BNC2: variants seen among roughly 807,000 people sequenced by gnomAD.
The protein encoded by BNC2 is zinc finger protein basonuclin-2.
In BNC2, 20 loss-of-function variants were observed where a neutral mutation model predicts 76.3. That is an observed-to-expected ratio of 0.26 (90% CI 0.18 to 0.38). The LOEUF (loss-of-function observed/expected upper bound fraction) is 0.38. BNC2 is among the 10% of genes least tolerant of loss of function. BNC2 has a pLI of 1.00. For missense variants in BNC2, 1,382 were observed against 1,399.8 expected, an observed-to-expected ratio of 0.99 and a Z score of 0.20; for synonymous variants, 582 against 514.8, an observed-to-expected ratio of 1.13 and a Z score of -1.77.
chr9:16,550,215 G>C (rs868638614), intron 5 of BNC2, among the ~76,000 whole-genome samples: 2 of 152,024 alleles, frequency 1.3e-5, no homozygotes, highest in Admixed American at 6.6e-5. Context: ...CTCTGAATGC[G>C]GCCCAACACA....
chr9:16,605,183 G>A (rs1292878727), intron 3 of BNC2, among the ~76,000 whole-genome samples: 1 of 152,190 alleles, frequency 6.6e-6, no homozygotes, highest in Non-Finnish European at 1.5e-5. Context: ...AATTAGTAGA[G>A]AATGAAAAGA....
chr9:16,521,864 C>G (rs539707365), intron 5 of BNC2, among the ~76,000 whole-genome samples: 1 of 152,134 alleles, frequency 6.6e-6, no homozygotes, highest in Non-Finnish European at 1.5e-5. Context: ...TTTAAATACT[C>G]ATATTTTTGT....
At chr9:16,864,923 G>C (rs1283465806) in intron 1 of BNC2, among the ~76,000 whole-genome samples, 1 of 151,408 alleles carries the variant, frequency 6.6e-6, no homozygotes, top group Admixed American at 6.6e-5. Context: ...ACACTGAGCA[G>C]AGATCCTTGG....
intron 3 of BNC2, among the ~76,000 whole-genome samples, chr9:16,678,212 T>C (rs1822709634): frequency 6.6e-6 from 1 of 151,382 alleles, no homozygotes; most frequent in South Asian, 2.1e-4. Context: ...AAACAACTCT[T>C]GTCCAAATTT....
At chr9:16,867,382 G>C (rs930056544) in intron 1 of BNC2, 8 of 151,778 alleles carry the variant, frequency 5.3e-5, no homozygotes, top group African/African-American at 1.9e-4. Flanking sequence ...TTGGATATTT[G>C]GGGATCGTAG....
At chr9:16,567,744 GA>G (rs2132784034) in intron 4 of BNC2, among the ~76,000 whole-genome samples, 1 of 152,234 alleles carries the variant, frequency 6.6e-6, no homozygotes, top group Non-Finnish European at 1.5e-5. Flanking sequence ...AAATTCAAGT[GA>G]CTCAGTTGGT....
intron 5 of BNC2, among the ~76,000 whole-genome samples, chr9:16,458,604 C>T (rs892234670): frequency 3.3e-5 from 5 of 152,108 alleles, no homozygotes; most frequent in African/African-American, 1.2e-4. Flanking sequence ...AAAAACAATC[C>T]GCCAACTACA....
intron 3 of BNC2, among the ~76,000 whole-genome samples, chr9:16,633,963 A>C (rs1189723093): frequency 6.6e-6 from 1 of 152,194 alleles, no homozygotes; most frequent in Non-Finnish European, 1.5e-5. Context: ...ATTTAGCAAA[A>C]GATAAAACTG....
intron 2 of BNC2, among the ~76,000 whole-genome samples, chr9:16,734,988 A>G (rs976092637): frequency 1.3e-5 from 2 of 152,218 alleles, no homozygotes; most frequent in East Asian, 3.8e-4. Context: ...CAATCAATGT[A>G]ATACAGTATC....
At chr9:16,562,870 T>C (rs1314284792) in intron 4 of BNC2, among the ~76,000 whole-genome samples, 1 of 152,220 alleles carries the variant, frequency 6.6e-6, no homozygotes, top group Non-Finnish European at 1.5e-5. Flanking sequence ...TTATAGTACA[T>C]AATTACTAAT....
At chr9:16,482,877 G>A (rs565986418) in intron 5 of BNC2, among the ~76,000 whole-genome samples, 10 of 152,142 alleles carry the variant, frequency 6.6e-5, no homozygotes, top group Non-Finnish European at 1.3e-4. Flanking sequence ...TCATGCAAAG[G>A]TCCGGGGCTT....
chr9:16,638,643 A>G (rs1821397513), intron 3 of BNC2, among the ~76,000 whole-genome samples: 1 of 152,150 alleles, frequency 6.6e-6, no homozygotes, highest in Non-Finnish European at 1.5e-5. Context: ...GCATTATGTG[A>G]CATTCCACTC....
rs545074514 is a variant in BNC2 at position 16,853,604 on chromosome 9, C to T, written c.3+17042G>A. Reference sequence around the variant, plus strand: ...ATTTGCAGCTGGGCGCTGTGGCTCGCGCCTGCAATCCCACCACTTTAGGAG... The same window carrying T: ...ATTTGCAGCTGGGCGCTGTGGCTCGTGCCTGCAATCCCACCACTTTAGGAG... On this transcript the variant is annotated intron_variant, in intron 1 of 6. Coordinates refer to ENST00000380672, the MANE Select transcript of BNC2 (RefSeq NM_017637.6). Among the ~76,000 whole-genome samples, 407 of 152,240 alleles carry T rather than the reference C, an allele frequency of 2.7e-3. 1 individual carries two copies. The highest frequency in any genetic ancestry group is 9.4e-3 in the African/African-American group (390 of 41,544).
intron 4 of BNC2, among the ~76,000 whole-genome samples, chr9:16,572,756 G>A (rs1422279373): frequency 6.6e-6 from 1 of 152,098 alleles, no homozygotes; most frequent in Non-Finnish European, 1.5e-5. Flanking sequence ...AAGCGTCAAA[G>A]TACGAAAAAC....
chr9:16,698,583 C>A (rs1246188616), intron 3 of BNC2, among the ~76,000 whole-genome samples: 1 of 152,070 alleles, frequency 6.6e-6, no homozygotes, highest in Non-Finnish European at 1.5e-5. Flanking sequence ...ATCCCAGATA[C>A]TCGGGAGGCT....
chr9:16,634,695 G>C (rs1821268795), intron 3 of BNC2, among the ~76,000 whole-genome samples: 1 of 151,928 alleles, frequency 6.6e-6, no homozygotes, highest in African/African-American at 2.4e-5. Context: ...TAGAGATGGG[G>C]TTTCATTGTG....
intron 5 of BNC2, among the ~76,000 whole-genome samples, chr9:16,542,730 T>A (rs1414298941): frequency 6.6e-6 from 1 of 152,204 alleles, no homozygotes; most frequent in Non-Finnish European, 1.5e-5. Context: ...TGGCCCACAT[T>A]TTGTTTTACA....
At chr9:16,595,069 G>A (rs1245250912) in intron 3 of BNC2, among the ~76,000 whole-genome samples, 1 of 152,080 alleles carries the variant, frequency 6.6e-6, no homozygotes, top group African/African-American at 2.4e-5. Context: ...AATAAAGAAA[G>A]TGACCCAGCA....
intron 5 of BNC2, among the ~76,000 whole-genome samples, chr9:16,521,538 C>T (rs1004231031): frequency 2.0e-5 from 3 of 152,152 alleles, no homozygotes; most frequent in African/African-American, 7.2e-5. Flanking sequence ...CGCACATATA[C>T]CTATTTCCTG....
Sources: allele counts gnomAD v4.1 joint callset (sites outside exome capture counted in the v4.1 genomes callset), GRCh38; gene constraint gnomAD v4.1.1; transcripts MANE v1.5; gene names NCBI Gene and HGNC (gene_info 2026-07-23, HGNC 2026-07-21).